Variants in CCSER1 observed in about 807,000 individuals in gnomAD.
CCSER1 encodes the protein coiled-coil serine rich protein 1, also known as serine-rich coiled-coil domain-containing protein 1.
Under a neutral mutation model 82.0 loss-of-function variants are expected in CCSER1, and 41 were observed. That is an observed-to-expected ratio of 0.50 (90% CI 0.39 to 0.65). The LOEUF (loss-of-function observed/expected upper bound fraction) is 0.65. CCSER1 is among the 30% of genes least tolerant of loss of function. The pLI is 0.00. For missense variants in CCSER1, 1,119 were observed against 1,064.2 expected (o/e 1.05, Z -0.72); for synonymous variants, 414 against 383.9 (o/e 1.08, Z -0.92).
At chr4:90,612,566 A>G (rs1250000241) in intron 5 of CCSER1, among the ~76,000 whole-genome samples, 1 of 152,046 alleles carries the variant, frequency 6.6e-6, no homozygotes, top group Non-Finnish European at 1.5e-5. Flanking sequence ...AATTCTTATA[A>G]TTTTCTGTTG....
chr4:90,924,338 G>A (rs1041580936), intron 9 of CCSER1, among the ~76,000 whole-genome samples: 1 of 151,990 alleles, frequency 6.6e-6, no homozygotes, highest in African/African-American at 2.4e-5. Context: ...TGCTACTTTT[G>A]TGTTGCCGTG....
intron 3 of CCSER1, among the ~76,000 whole-genome samples, chr4:90,389,233 C>T (rs7679619): frequency 0.019 from 2,927 of 152,174 alleles, 69 homozygotes; most frequent in African/African-American, 0.06. Context: ...GAATTATACA[C>T]ACTGACAGTT....
intron 10 of CCSER1, among the ~76,000 whole-genome samples, chr4:91,183,975 C>T (rs756328885): frequency 6.6e-6 from 1 of 152,148 alleles, no homozygotes; most frequent in Non-Finnish European, 1.5e-5. Flanking sequence ...TAATTGATCC[C>T]TACGTATGGT....
At chr4:90,872,381 A>G (rs569132505) in intron 8 of CCSER1, among the ~76,000 whole-genome samples, 23 of 151,820 alleles carry the variant, frequency 1.5e-4, no homozygotes, top group Non-Finnish European at 3.1e-4. Flanking sequence ...TTTGCATTTG[A>G]GGTTACCATG....
intron 8 of CCSER1, among the ~76,000 whole-genome samples, chr4:90,845,805 G>GT (rs1763164125): frequency 1.6e-5 from 2 of 123,936 alleles, no homozygotes; most frequent in Non-Finnish European, 3.6e-5. Context: ...TATTTCAACT[G>GT]TGAAAAAAAA....
At chr4:91,551,126 TTTAGGGA>T (rs1158138313) in intron 10 of CCSER1, among the ~76,000 whole-genome samples, 1 of 152,054 alleles carries the variant, frequency 6.6e-6, no homozygotes, top group Non-Finnish European at 1.5e-5. Context: ...ATACTATATA[TTTAGGGA>T]AGCAATAAGT....
intron 8 of CCSER1, among the ~76,000 whole-genome samples, chr4:90,851,473 G>C (rs1355577735): frequency 6.9e-6 from 1 of 144,142 alleles, no homozygotes; most frequent in African/African-American, 2.5e-5. Context: ...GGGTGGGGGG[G>C]GCGCTGTCCA....
intron 10 of CCSER1, among the ~76,000 whole-genome samples, chr4:91,308,755 T>A (rs1745244957): frequency 6.6e-6 from 1 of 151,982 alleles, no homozygotes; most frequent in African/African-American, 2.4e-5. Context: ...TTTAGTGGAA[T>A]GTAGTCAACA....
At position 91,413,157 on chromosome 4, in the gene CCSER1, G is replaced by A. The variant is rs181074070; in HGVS notation, c.2218-185415G>A. Among the ~76,000 whole-genome samples, 397 of 152,144 alleles carry A rather than the reference G, an allele frequency of 2.6e-3. 2 individuals are homozygous for A. The highest frequency in any genetic ancestry group is 4.4e-3 in the Non-Finnish European group (302 of 67,980). On this transcript the variant is annotated intron_variant, in intron 10 of 10. Transcript: ENST00000509176. ...AGAAGACTTAGTAAACTCAAAGATA[G>A]GTTGGCCAGGCATGGTAGCTCACTC... is the stretch of plus-strand genomic sequence containing the variant.
intron 7 of CCSER1, among the ~76,000 whole-genome samples, chr4:90,775,445 A>G (rs955801312): frequency 2.0e-5 from 3 of 152,300 alleles, no homozygotes; most frequent in African/African-American, 4.8e-5. Context: ...AATATAAAAC[A>G]TGGAGAGACG....
chr4:90,474,172 T>G (rs1198714116), intron 5 of CCSER1, among the ~76,000 whole-genome samples: 1 of 150,578 alleles, frequency 6.6e-6, no homozygotes, highest in Non-Finnish European at 1.5e-5. Context: ...AGTGTAGCTG[T>G]GGCTATAATG....
chr4:90,781,459 A>C (rs1753769960), intron 7 of CCSER1: 45 of 985,180 alleles, frequency 4.6e-5, no homozygotes, highest in Non-Finnish European at 5.2e-5. Context: ...AAATTTAATG[A>C]AATGATGGAC....
intron 7 of CCSER1, among the ~76,000 whole-genome samples, chr4:90,769,547 T>G (rs1751767463): frequency 6.6e-6 from 1 of 152,192 alleles, no homozygotes; most frequent in Non-Finnish European, 1.5e-5. Context: ...TATAGGCCAG[T>G]GGCTTTTTTG....
intron 1 of CCSER1, among the ~76,000 whole-genome samples, chr4:90,156,868 G>T (rs1262706372): frequency 6.6e-6 from 1 of 152,112 alleles, no homozygotes; most frequent in African/African-American, 2.4e-5. Flanking sequence ...ATTTAGTCCA[G>T]TTACATTTAA....
chr4:90,521,422 A>C (rs532613704), intron 5 of CCSER1, among the ~76,000 whole-genome samples: 5 of 152,282 alleles, frequency 3.3e-5, no homozygotes, highest in Non-Finnish European at 7.4e-5. Context: ...AATTTGGCAC[A>C]ATTCATGTGA....
At chr4:90,645,805 C>A (rs1485445722) in intron 6 of CCSER1, among the ~76,000 whole-genome samples, 25 of 152,142 alleles carry the variant, frequency 1.6e-4, no homozygotes, top group Non-Finnish European at 1.5e-5. Context: ...TACTGGAAGG[C>A]TCATTTGCTC....
chr4:91,545,790 T>C (rs1237687452), intron 10 of CCSER1, among the ~76,000 whole-genome samples: 1 of 152,162 alleles, frequency 6.6e-6, no homozygotes, highest in Non-Finnish European at 1.5e-5. Flanking sequence ...TATTTTCTTA[T>C]TTTGTTGCAT....
intron 8 of CCSER1, among the ~76,000 whole-genome samples, chr4:90,888,263 T>C (rs1401867536): frequency 6.6e-6 from 1 of 152,168 alleles, no homozygotes; most frequent in Non-Finnish European, 1.5e-5. Flanking sequence ...TGGGGATATA[T>C]AAAAAGTAGA....
chr4:90,729,891 A>G (rs965148625), intron 7 of CCSER1, among the ~76,000 whole-genome samples: 2 of 152,270 alleles, frequency 1.3e-5, no homozygotes, highest in Admixed American at 6.5e-5. Flanking sequence ...ATAAATAAAA[A>G]TAAAATAAAA....
Sources: gnomAD v4.1 joint callset for allele counts (sites outside exome capture counted in the v4.1 genomes callset) on GRCh38, gnomAD v4.1.1 for gene constraint, MANE v1.5 for transcripts, NCBI Gene and HGNC (gene_info 2026-07-23, HGNC 2026-07-21) for gene names.